The following GULP1 variants were observed in gnomAD, a reference collection of about 807,000 sequenced individuals.
GULP1 encodes PTB domain-containing engulfment adapter protein 1.
In GULP1, 19 loss-of-function variants were observed where a neutral mutation model predicts 40.9. That is an observed-to-expected ratio of 0.46 (90% CI 0.32 to 0.68). The LOEUF is 0.68. Ranked by LOEUF, GULP1 falls within the 30% of genes least tolerant of loss-of-function variation. The pLI, the probability that GULP1 is intolerant of heterozygous loss-of-function variation, is 0.03. For synonymous variants in GULP1, 119 were observed against 117.6 expected (o/e 1.01, Z -0.08); for missense variants, 312 against 362.2 (o/e 0.86, Z 1.12).
chr2:188,305,322 T>C (rs926801444), intron 1 of GULP1, among the ~76,000 whole-genome samples: 3 of 152,172 alleles, frequency 2.0e-5, no homozygotes, highest in Non-Finnish European at 2.9e-5. Context: ...CTCTGAACCC[T>C]TTTTGGGTTT....
At chr2:188,520,909 C>T (rs2065699106) in intron 4 of GULP1, among the ~76,000 whole-genome samples, 3 of 152,110 alleles carry the variant, frequency 2.0e-5, no homozygotes, top group East Asian at 3.9e-4. Context: ...AAAATCAAAA[C>T]TCTAATTTCC....
chr2:188,461,729 C>T (rs1431645443), intron 2 of GULP1, among the ~76,000 whole-genome samples: 1 of 152,110 alleles, frequency 6.6e-6, no homozygotes, highest in East Asian at 1.9e-4. Context: ...TTCTTCTAGA[C>T]ATAGTAGCTC....
chr2:188,370,381 T>C (rs1005160187), intron 1 of GULP1, among the ~76,000 whole-genome samples: 4 of 152,168 alleles, frequency 2.6e-5, no homozygotes, highest in Non-Finnish European at 5.9e-5. Context: ...TATTTTTGTT[T>C]ACCTTATTTC....
At chr2:188,555,227 G>A (rs2153388264) in intron 7 of GULP1, among the ~76,000 whole-genome samples, 1 of 152,136 alleles carries the variant, frequency 6.6e-6, no homozygotes, top group South Asian at 2.1e-4. Context: ...TTCTGTTATT[G>A]TTCATCTTTG....
intron 1 of GULP1, among the ~76,000 whole-genome samples, chr2:188,300,395 C>G (rs2035924954): frequency 6.6e-6 from 1 of 151,890 alleles, no homozygotes; most frequent in Non-Finnish European, 1.5e-5. Flanking sequence ...CATATGGAAA[C>G]TTGATAATTT....
chr2:188,560,904 A>T (rs1473311470), intron 7 of GULP1, among the ~76,000 whole-genome samples: 2 of 152,240 alleles, frequency 1.3e-5, no homozygotes, highest in East Asian at 1.9e-4. Context: ...AGCACCAAAC[A>T]GATGGTGCTA....
intron 4 of GULP1, among the ~76,000 whole-genome samples, chr2:188,521,761 G>A (rs1452141829): frequency 6.6e-6 from 1 of 152,138 alleles, no homozygotes; most frequent in East Asian, 1.9e-4. Context: ...ATCACTTACT[G>A]ACTACCTTCA....
At chr2:188,368,210 T>G (rs2152421544) in intron 1 of GULP1, among the ~76,000 whole-genome samples, 1 of 152,296 alleles carries the variant, frequency 6.6e-6, no homozygotes, top group South Asian at 2.1e-4. Flanking sequence ...TGGGGATTTT[T>G]TGGTGTTGAG....
chr2:188,552,011 T>A (rs1278438835), intron 7 of GULP1, among the ~76,000 whole-genome samples: 2 of 151,678 alleles, frequency 1.3e-5, no homozygotes, highest in East Asian at 1.9e-4. Context: ...CATTTTTTTT[T>A]AAATGGGAAC....
At chr2:188,489,048 G>A (rs2062111058) in intron 4 of GULP1, among the ~76,000 whole-genome samples, 1 of 151,606 alleles carries the variant, frequency 6.6e-6, no homozygotes, top group Admixed American at 6.6e-5. Context: ...TGTTTTTTGA[G>A]AACATATGAT....
chr2:188,338,339 T>G (rs1039022130), intron 1 of GULP1, among the ~76,000 whole-genome samples: 5 of 151,234 alleles, frequency 3.3e-5, no homozygotes, highest in Admixed American at 1.3e-4. Context: ...AGTGCTGTGG[T>G]GAGACCAGAG....
chr2:188,554,445 A>G (rs970051173), intron 7 of GULP1, among the ~76,000 whole-genome samples: 10 of 150,374 alleles, frequency 6.7e-5, no homozygotes, highest in African/African-American at 2.4e-4. Context: ...GTATTTGTAT[A>G]TTTTCCAAAG....
chr2:188,593,483 A>G (rs974551772), intron 11 of GULP1: 2 of 152,236 alleles, frequency 1.3e-5, no homozygotes, highest in Non-Finnish European at 2.9e-5. Flanking sequence ...TGCATTTAAA[A>G]GAAGTATTTT....
intron 7 of GULP1, among the ~76,000 whole-genome samples, chr2:188,560,680 A>G (rs900495622): frequency 6.6e-6 from 1 of 152,166 alleles, no homozygotes; most frequent in Non-Finnish European, 1.5e-5. Flanking sequence ...TCACAATTCT[A>G]CAGGCTGTAC....
intron 1 of GULP1, among the ~76,000 whole-genome samples, chr2:188,337,011 G>A (rs563827751): frequency 6.6e-6 from 1 of 152,228 alleles, no homozygotes; most frequent in South Asian, 2.1e-4. Context: ...ACCTTTCATG[G>A]TTTTAGAAAA....
intron 1 of GULP1, among the ~76,000 whole-genome samples, chr2:188,365,248 A>G (rs1194753882): frequency 1.4e-5 from 2 of 143,462 alleles, no homozygotes; most frequent in Non-Finnish European, 1.5e-5. Context: ...GCCCTGCCAT[A>G]TCTTAATGGA....
intron 3 of GULP1, among the ~76,000 whole-genome samples, chr2:188,478,314 A>T (rs951528442): frequency 6.6e-6 from 1 of 152,160 alleles, no homozygotes. Flanking sequence ...ATGGGCAGAA[A>T]AACATGGCAT....
intron 1 of GULP1, among the ~76,000 whole-genome samples, chr2:188,352,615 C>T (rs547437741): frequency 9.4e-6 from 1 of 106,248 alleles, no homozygotes; most frequent in East Asian, 2.8e-4. Context: ...CTCTCTCTCT[C>T]TCTCACACAC....
At chr2:188,455,880 C>T (rs1280976851) in intron 2 of GULP1, among the ~76,000 whole-genome samples, 1 of 152,142 alleles carries the variant, frequency 6.6e-6, no homozygotes, top group East Asian at 1.9e-4. Flanking sequence ...CAATAAAGTC[C>T]AGGCTGAGTT....
Sources: allele counts gnomAD v4.1 joint callset (sites outside exome capture counted in the v4.1 genomes callset), GRCh38; gene constraint gnomAD v4.1.1; transcripts MANE v1.5; gene names NCBI Gene and HGNC (gene_info 2026-07-23, HGNC 2026-07-21).